Variants in DNAJB4 observed in about 807,000 individuals in gnomAD.
The protein encoded by DNAJB4 is dnaJ homolog subfamily B member 4.
Under a neutral mutation model 26.6 loss-of-function variants are expected in DNAJB4, and 10 were observed. The observed-to-expected ratio is 0.38, with a 90% CI of 0.23 to 0.64. The LOEUF (loss-of-function observed/expected upper bound fraction) is 0.64. DNAJB4 is among the 30% of genes least tolerant of loss of function. The pLI, the probability that DNAJB4 is intolerant of heterozygous loss-of-function variation, is 0.58. For missense variants in DNAJB4, 328 were observed against 408.2 expected (o/e 0.80, Z 1.69); for synonymous variants, 136 against 134.8 (o/e 1.01, Z -0.06).
chr1:78,002,474 T>C (rs1660215783), upstream of DNAJB4, among the ~76,000 whole-genome samples: 1 of 152,234 alleles, frequency 6.6e-6, no homozygotes, highest in Non-Finnish European at 1.5e-5. Context: ...ATCTTGATGC[T>C]TTACCCTATT....
intron 1 of DNAJB4, 113 bp downstream of exon 1, chr1:78,005,434 A>G: frequency 2.2e-6 from 2 of 896,408 alleles, no homozygotes; most frequent in Non-Finnish European, 3.3e-6. Context: ...TTATCCTTAA[A>G]TTGGATTCTC....
chr1:78,004,535 C>T (rs1660275735), upstream of DNAJB4: 1 of 152,286 alleles, frequency 6.6e-6, no homozygotes, highest in African/African-American at 2.4e-5. Flanking sequence ...AGACAAATAG[C>T]TTAAAATTAA....
At chr1:77,993,823 A>G (rs72685378) in intron 1 of DNAJB4, among the ~76,000 whole-genome samples, 1 of 152,106 alleles carries the variant, frequency 6.6e-6, no homozygotes, top group African/African-American at 2.4e-5. Flanking sequence ...TATTTTAGAG[A>G]TATATTTTTC....
intron 1 of DNAJB4, among the ~76,000 whole-genome samples, chr1:78,006,315 C>G (rs1196150991): frequency 1.3e-5 from 2 of 152,120 alleles, no homozygotes; most frequent in Non-Finnish European, 2.9e-5. Flanking sequence ...ACACAAAAAA[C>G]TTTAACTTGT....
intron 1 of DNAJB4, among the ~76,000 whole-genome samples, chr1:77,982,984 GTA>G (rs1659695514): frequency 6.6e-6 from 1 of 152,164 alleles, no homozygotes; most frequent in Non-Finnish European, 1.5e-5. Flanking sequence ...CAAAGACAAA[GTA>G]TGCTGAACCA....
At chr1:78,015,163 G>C (rs1660601145) in intron 2 of DNAJB4, among the ~76,000 whole-genome samples, 1 of 152,150 alleles carries the variant, frequency 6.6e-6, no homozygotes, top group African/African-American at 2.4e-5. Context: ...TTGAGCTGGG[G>C]TCTGTGTTCA....
chr1:78,002,096 G>GACTA (rs1473073159), upstream of DNAJB4, among the ~76,000 whole-genome samples: 1 of 152,052 alleles, frequency 6.6e-6, no homozygotes, highest in Admixed American at 6.6e-5. Context: ...ATTCCATATA[G>GACTA]ACTATTTCTA....
intron 1 of DNAJB4, among the ~76,000 whole-genome samples, chr1:77,985,001 G>C (rs957498529): frequency 6.6e-6 from 1 of 152,150 alleles, no homozygotes; most frequent in African/African-American, 2.4e-5. Context: ...TTTATTTTGT[G>C]AACTGTCTTC....
intron 1 of DNAJB4, among the ~76,000 whole-genome samples, chr1:77,981,822 C>A (rs1002453607): frequency 6.6e-6 from 1 of 152,076 alleles, no homozygotes; most frequent in Non-Finnish European, 1.5e-5. Flanking sequence ...TACAAAAGGC[C>A]TCTTTGAATA....
chr1:78,011,278 C>T (rs1660464683), intron 1 of DNAJB4, among the ~76,000 whole-genome samples: 1 of 152,088 alleles, frequency 6.6e-6, no homozygotes, highest in Non-Finnish European at 1.5e-5. Context: ...AGAAATAACC[C>T]ATATAGAGGC....
At chr1:77,993,216 G>A (rs1659978778) in intron 1 of DNAJB4, among the ~76,000 whole-genome samples, 1 of 152,210 alleles carries the variant, frequency 6.6e-6, no homozygotes, top group South Asian at 2.1e-4. Flanking sequence ...GGGCCATACA[G>A]TCTCTGCTGC....
chr1:78,012,538 A>C (rs1660515231), intron 1 of DNAJB4, among the ~76,000 whole-genome samples: 1 of 151,762 alleles, frequency 6.6e-6, no homozygotes, highest in Non-Finnish European at 1.5e-5. Flanking sequence ...GGCCGGAAGC[A>C]GTGGCTCACA....
chr1:77,979,436 G>T (rs1659409712), upstream of DNAJB4: 1 of 170,726 alleles, frequency 5.9e-6, no homozygotes, highest in African/African-American at 2.4e-5. Context: ...AGAATTTTCC[G>T]CTATGGGTCA....
At chr1:77,990,580 G>A (rs1659909261) in intron 1 of DNAJB4, among the ~76,000 whole-genome samples, 1 of 152,200 alleles carries the variant, frequency 6.6e-6, no homozygotes, top group Non-Finnish European at 1.5e-5. Flanking sequence ...AACTATTGAA[G>A]TAGCATAGAT....
intron 2 of DNAJB4, among the ~76,000 whole-genome samples, chr1:78,014,395 A>G (rs1456590598): frequency 6.6e-6 from 1 of 152,150 alleles, no homozygotes; most frequent in Non-Finnish European, 1.5e-5. Flanking sequence ...GGCATGAGCC[A>G]CCACGCCTGG....
chr1:77,997,941 C>G (rs370836977), intron 1 of DNAJB4, among the ~76,000 whole-genome samples: 13 of 152,254 alleles, frequency 8.5e-5, no homozygotes, highest in East Asian at 5.8e-4. Flanking sequence ...GTGCACGCCA[C>G]CATGCCCAGC....
intron 1 of DNAJB4, among the ~76,000 whole-genome samples, chr1:77,983,683 G>T (rs1224404429): frequency 4.6e-5 from 7 of 152,166 alleles, no homozygotes; most frequent in Non-Finnish European, 1.0e-4. Context: ...CACAGCACAT[G>T]TTTCAGAGAG....
chr1:78,016,405 AAG>A lies in DNAJB4; in HGVS notation c.*159_*160del, dbSNP rs1660644738. The A allele has an allele frequency of 1.1e-4, 67 of 609,692 alleles. No individual in the cohort carries two copies. In the South Asian group the frequency reaches 1.4e-3, roughly 13 times the overall value. The allele number at this position is 609,692 out of a possible 1,614,324, so 37.8% of individuals were successfully genotyped here. On this transcript the variant is annotated 3_prime_UTR_variant, in exon 3 of 3. Transcript: ENST00000370763. ...AGAGACGGGTCAAATAAATAGGCAA[AAG>A]GGATTTTTACAGTTAGAGATAAAAG... is the stretch of plus-strand genomic sequence containing the variant.
intron 1 of DNAJB4, among the ~76,000 whole-genome samples, chr1:77,986,305 G>A (rs746191640): frequency 2.6e-5 from 4 of 152,080 alleles, no homozygotes; most frequent in African/African-American, 7.2e-5. Flanking sequence ...TTAACTACTC[G>A]AAATGCAATT....
Sources: allele counts gnomAD v4.1 joint callset (sites outside exome capture counted in the v4.1 genomes callset), GRCh38; gene constraint gnomAD v4.1.1; transcripts MANE v1.5; gene names NCBI Gene and HGNC (gene_info 2026-07-23, HGNC 2026-07-21).